The following RBFOX1 variants were observed in gnomAD, a reference collection of about 807,000 sequenced individuals.
RBFOX1 encodes RNA binding fox-1 homolog 1.
A neutral mutation model predicts 57.7 loss-of-function variants in RBFOX1; 8 were observed. That is an observed-to-expected ratio of 0.14 (90% confidence interval 0.08 to 0.25). The LOEUF is 0.25. RBFOX1 is among the 10% of genes least tolerant of loss of function. The probability of loss-of-function intolerance (pLI) is 1.00; values close to 1 mark genes in which losing one functional copy is unlikely to be tolerated. For missense variants in RBFOX1, 611 were observed against 548.5 expected, an observed-to-expected ratio of 1.11 and a Z score of -1.14; for synonymous variants, 326 against 222.4, an observed-to-expected ratio of 1.47 and a Z score of -4.15.
chr16:6,731,004 G>C (rs2068445290), intron 3 of RBFOX1, among the ~76,000 whole-genome samples: 1 of 152,116 alleles, frequency 6.6e-6, no homozygotes, highest in African/African-American at 2.4e-5. Context: ...ATTGATGTCA[G>C]AGATCACAAA....
At chr16:6,715,958 C>T (rs28620460) in intron 3 of RBFOX1, among the ~76,000 whole-genome samples, 5,420 of 152,152 alleles carry the variant, frequency 0.036, 327 homozygotes, top group African/African-American at 0.12. Context: ...GTCAAGGATA[C>T]GACGCAATTG....
At chr16:5,696,331 T>G (rs2050841145) in intron 3 of RBFOX1, among the ~76,000 whole-genome samples, 1 of 152,224 alleles carries the variant, frequency 6.6e-6, no homozygotes, top group South Asian at 2.1e-4. Context: ...GGTTTTCACA[T>G]GTAATGCCAG....
At chr16:7,285,247 A>G (rs1041129914) in intron 4 of RBFOX1, among the ~76,000 whole-genome samples, 10 of 151,902 alleles carry the variant, frequency 6.6e-5, no homozygotes, top group African/African-American at 1.5e-4. Context: ...GAGAGTTCCA[A>G]TGTACCCTTT....
chr16:6,879,104 A>C (rs2062403770), intron 3 of RBFOX1, among the ~76,000 whole-genome samples: 1 of 152,244 alleles, frequency 6.6e-6, no homozygotes, highest in African/African-American at 2.4e-5. Context: ...TAATAGCTTG[A>C]ATATATTACA....
At chr16:5,563,072 C>T (rs572254775) in intron 2 of RBFOX1, among the ~76,000 whole-genome samples, 1 of 152,290 alleles carries the variant, frequency 6.6e-6, no homozygotes, top group African/African-American at 2.4e-5. Flanking sequence ...GCTTCAGCCT[C>T]CTGAGTAGCT....
At chr16:7,143,029 T>G (rs572527503) in intron 4 of RBFOX1, among the ~76,000 whole-genome samples, 44 of 151,916 alleles carry the variant, frequency 2.9e-4, no homozygotes, top group Non-Finnish European at 3.7e-4. Flanking sequence ...AGAGGTAAAA[T>G]TTGTCATTAA....
At position 5,909,154 on chromosome 16, in the gene RBFOX1, G is replaced by C. The variant is rs898428623; in HGVS notation, c.351+41819G>C. ...GTCACCTAGGCTGGAGTGCAGTGGT[G>C]CGGTCTGGGCTCACTGCAAGCTCCG... On this transcript the variant is annotated intron_variant, in intron 4 of 19. Coordinates refer to the RBFOX1 transcript ENST00000641259. 1.1e-4 allele frequency among the ~76,000 whole-genome samples: 16 copies of C among 142,724 alleles called. No individual in the cohort carries two copies. In the Admixed American group the frequency reaches 1.2e-3, roughly 10 times the overall value. The allele number at this position is 142,724 out of a possible 152,430, so 93.6% of individuals were successfully genotyped here.
chr16:7,371,934 G>C (rs925533390), intron 4 of RBFOX1, among the ~76,000 whole-genome samples: 16 of 151,674 alleles, frequency 1.1e-4, no homozygotes, highest in African/African-American at 3.4e-4. Context: ...AGGTGGCTGT[G>C]ACATACCTTA....
chr16:7,151,695 C>T (rs1041906107), intron 4 of RBFOX1, among the ~76,000 whole-genome samples: 8 of 152,038 alleles, frequency 5.3e-5, no homozygotes, highest in African/African-American at 1.7e-4. Context: ...AATAATTACA[C>T]AACTCACCAT....
rs929502047 is a variant in RBFOX1 at position 6,819,081 on chromosome 16, C to T, written c.-16+164431C>T. The stretch of plus-strand genomic sequence containing the variant: ...GACTTGAATGAGTTCTGTCTGAATC[C>T]AAACACCACAGACTTCCGGTTTCAG... On this transcript the variant is annotated intron_variant, in intron 3 of 15. Coordinates refer to ENST00000550418, the MANE Select transcript of RBFOX1 (RefSeq NM_018723.4). 3.9e-5 allele frequency among the ~76,000 whole-genome samples: 6 copies of T among 152,148 alleles called. No individual in the cohort carries two copies. The East Asian group carries it at 7.7e-4, about 20-fold the overall frequency.
rs543413209 is a variant in RBFOX1 at position 7,469,007 on chromosome 16, C to T, written c.28-49140C>T. 1.5e-4 allele frequency among the ~76,000 whole-genome samples: 23 copies of T among 152,092 alleles called. No homozygotes were observed. In the South Asian group the frequency reaches 3.5e-3, roughly 23 times the overall value. Reference sequence around the variant, plus strand: ...GGAGTGCAGTGTTGCCATCTCGGCTCGCTGCAAGCTCCACCGCCCAGGTTC... The same window carrying T: ...GGAGTGCAGTGTTGCCATCTCGGCTTGCTGCAAGCTCCACCGCCCAGGTTC... On this transcript the variant is annotated intron_variant, in intron 4 of 15. Transcript: ENST00000550418.
At chr16:6,554,739 CACACACACACACACACACAG>C (rs1344055690) in intron 2 of RBFOX1, among the ~76,000 whole-genome samples, 4 of 150,942 alleles carry the variant, frequency 2.7e-5, no homozygotes, top group Admixed American at 6.6e-5. Flanking sequence ...CACACACACA[CACACACACACACACACACAG>C]ACACACACAC....
chr16:6,655,725 A>G (rs1178945452), intron 3 of RBFOX1, among the ~76,000 whole-genome samples: 1 of 152,200 alleles, frequency 6.6e-6, no homozygotes, highest in Non-Finnish European at 1.5e-5. Flanking sequence ...TTAAGAGTAC[A>G]TACCTCCTGG....
chr16:7,457,942 C>A (rs960347345), intron 4 of RBFOX1, among the ~76,000 whole-genome samples: 1 of 152,170 alleles, frequency 6.6e-6, no homozygotes, highest in Non-Finnish European at 1.5e-5. Context: ...GATCTTTGTG[C>A]CCCAGGACAT....
chr16:7,175,625 T>G (rs1403745068), intron 4 of RBFOX1, among the ~76,000 whole-genome samples: 1 of 152,146 alleles, frequency 6.6e-6, no homozygotes, highest in African/African-American at 2.4e-5. Context: ...TTGGATCCAT[T>G]ATCTCACCCC....
chr16:6,678,560 T>G (rs1215152324), intron 3 of RBFOX1, among the ~76,000 whole-genome samples: 3 of 151,484 alleles, frequency 2.0e-5, no homozygotes, highest in Admixed American at 6.6e-5. Context: ...AGATTTCTCT[T>G]TAGAGGTTTT....
chr16:6,772,059 C>T (rs2078385845), intron 3 of RBFOX1, among the ~76,000 whole-genome samples: 1 of 152,124 alleles, frequency 6.6e-6, no homozygotes, highest in African/African-American at 2.4e-5. Flanking sequence ...CTATGAGGTG[C>T]TGTATGATTT....
At chr16:5,588,271 T>C (rs1471630341) in intron 2 of RBFOX1, among the ~76,000 whole-genome samples, 1 of 151,970 alleles carries the variant, frequency 6.6e-6, no homozygotes, top group Middle Eastern at 3.2e-3. Flanking sequence ...GTTGTAAAAA[T>C]GCAACGATGG....
intron 3 of RBFOX1, among the ~76,000 whole-genome samples, chr16:7,030,001 G>C (rs565470731): frequency 3.0e-4 from 45 of 152,236 alleles, no homozygotes; most frequent in African/African-American, 1.0e-3. Context: ...TTTCGGTCAC[G>C]TGTGTGTGAT....
Sources: allele counts gnomAD v4.1 joint callset (sites outside exome capture counted in the v4.1 genomes callset), GRCh38; gene constraint gnomAD v4.1.1; transcripts MANE v1.5; gene names NCBI Gene and HGNC (gene_info 2026-07-23, HGNC 2026-07-21).